Variants in PRUNE2 observed in about 807,000 individuals in gnomAD.
PRUNE2 encodes the protein prune homolog 2 with BCH domain.
A neutral mutation model predicts 252.0 loss-of-function variants in PRUNE2; 164 were observed. The ratio of observed to expected loss-of-function variants is 0.65; its 90% CI spans 0.57 to 0.74. The LOEUF is 0.74. Ranked by LOEUF, PRUNE2 falls within the 30% of genes least tolerant of loss-of-function variation. The probability of loss-of-function intolerance (pLI) is 0.00; values close to 1 mark genes in which losing one functional copy is unlikely to be tolerated. For synonymous variants in PRUNE2, 1,292 were observed against 1,350.2 expected, an observed-to-expected ratio of 0.96 and a Z score of 0.94; for missense variants, 3,495 against 3,711.0, an observed-to-expected ratio of 0.94 and a Z score of 1.51.
chr9:76,723,358 G>T (rs201530224), intron 6 of PRUNE2, among the ~76,000 whole-genome samples: 153 of 152,272 alleles, frequency 1.0e-3, no homozygotes, highest in Non-Finnish European at 1.8e-3. Flanking sequence ...GAAGAAGCCT[G>T]CTTTACCATT....
intron 6 of PRUNE2, among the ~76,000 whole-genome samples, chr9:76,724,738 C>T (rs1483944552): frequency 2.0e-5 from 3 of 152,254 alleles, no homozygotes; most frequent in African/African-American, 7.2e-5. Flanking sequence ...ACCTCATTAA[C>T]TAACAGCCTA....
At chr9:76,812,016 G>A (rs1338390276) in intron 6 of PRUNE2, among the ~76,000 whole-genome samples, 1 of 152,184 alleles carries the variant, frequency 6.6e-6, no homozygotes, top group South Asian at 2.1e-4. Flanking sequence ...AGGAAAGAGG[G>A]GAAGTGATCA....
At chr9:76,773,344 T>C (rs1331724228) in intron 6 of PRUNE2, among the ~76,000 whole-genome samples, 1 of 152,128 alleles carries the variant, frequency 6.6e-6, no homozygotes, top group Non-Finnish European at 1.5e-5. Flanking sequence ...GGAAGAAAGG[T>C]TGATTTATAG....
intron 1 of PRUNE2, among the ~76,000 whole-genome samples, chr9:76,901,167 A>G (rs1220664111): frequency 6.6e-6 from 1 of 152,174 alleles, no homozygotes; most frequent in Non-Finnish European, 1.5e-5. Flanking sequence ...CAGGACTGGG[A>G]CAATCCGCAG....
intron 9 of PRUNE2, among the ~76,000 whole-genome samples, chr9:76,680,278 GA>G (rs1344006585): frequency 6.6e-6 from 1 of 152,028 alleles, no homozygotes; most frequent in African/African-American, 2.4e-5. Context: ...CTAATCATTA[GA>G]AAAATGCAAA....
chr9:76,785,763 A>C (rs1024917619), intron 6 of PRUNE2: 1 of 151,846 alleles, frequency 6.6e-6, no homozygotes, highest in Non-Finnish European at 1.5e-5. Context: ...GTGAGTGTAC[A>C]TGCCAAAGTG....
At chr9:76,879,903 A>ATATAT (rs770473789) in intron 1 of PRUNE2, among the ~76,000 whole-genome samples, 6 of 31,006 alleles carry the variant, frequency 1.9e-4, no homozygotes, top group African/African-American at 7.2e-4. Context: ...ATATATATAT[A>ATATAT]TTTTTTTTTT....
intron 1 of PRUNE2, among the ~76,000 whole-genome samples, chr9:76,866,728 GAGGA>G (rs112261827): frequency 0.15 from 22,252 of 151,512 alleles, 3,198 homozygotes; most frequent in African/African-American, 0.38. Flanking sequence ...GAAGGGAGGA[GAGGA>G]AGGAAGGAAG....
intron 9 of PRUNE2, among the ~76,000 whole-genome samples, chr9:76,678,741 T>C (rs1469826712): frequency 2.0e-5 from 3 of 151,902 alleles, no homozygotes; most frequent in African/African-American, 7.3e-5. Context: ...GGCAGGAGAA[T>C]GGTGTGAACC....
intron 15 of PRUNE2, among the ~76,000 whole-genome samples, chr9:76,631,038 T>C (rs764654672): frequency 1.3e-5 from 2 of 152,228 alleles, no homozygotes; most frequent in Admixed American, 6.5e-5. Flanking sequence ...TCTTTAATAC[T>C]TTACTTGCAA....
intron 9 of PRUNE2, among the ~76,000 whole-genome samples, chr9:76,659,123 T>A (rs1178941827): frequency 6.6e-6 from 1 of 152,236 alleles, no homozygotes; most frequent in East Asian, 1.9e-4. Flanking sequence ...GAGGCCTCGA[T>A]GAAAGCTTGC....
rs770814285 is a variant in PRUNE2 at position 76,707,718 on chromosome 9, T to C, written c.4556A>G (p.Glu1519Gly). The C allele has an allele frequency of 2.5e-5, 41 of 1,613,796 alleles. No individual in the cohort carries two copies. Among genetic ancestry groups the C allele is most frequent in the East Asian group, 1.1e-4 (5 of 44,890 alleles). ...CGAACCGGCTCCTGGAAGGCTATTT[T>C]CAGACCCCTTAACGTCAAGATTTTT... is the stretch of plus-strand genomic sequence containing the variant. The part of the protein sequence containing the change: ...ITKNLDVKGS[E>G]NSLPGAGSSG... Residue 1519 changes from glutamate to glycine, a missense_variant, in exon 8 of 19, where the codon GAA (glutamate) becomes GGA (glycine). Coordinates refer to ENST00000376718, the MANE Select transcript of PRUNE2 (RefSeq NM_015225.3).
rs201086707 is a variant in PRUNE2, at chr9:76,710,793, A to T, written c.1481T>A (p.Phe494Tyr). Residue 494 changes from phenylalanine (F) to tyrosine (Y), a missense_variant, in exon 8 of 19, where the codon TTC (phenylalanine) becomes TAC (tyrosine). Coordinates refer to ENST00000376718, the MANE Select transcript of PRUNE2 (RefSeq NM_015225.3). ...SGEHGEHFDL[F>Y]NFDPAPMASG... Reference sequence around the variant, plus strand: ...AGCCATGGGTGCTGGGTCAAAATTGAAGAGGTCGAAGTGCTCACCGTGTTC... The same window carrying T: ...AGCCATGGGTGCTGGGTCAAAATTGTAGAGGTCGAAGTGCTCACCGTGTTC... 6.3e-7 allele frequency: 1 copy of T among 1,585,330 alleles called. No homozygotes were observed. Among genetic ancestry groups the T allele is most frequent in the East Asian group, 2.2e-5 (1 of 44,720 alleles).
intron 1 of PRUNE2, among the ~76,000 whole-genome samples, chr9:76,857,614 C>T (rs1398116999): frequency 2.0e-5 from 3 of 152,142 alleles, no homozygotes; most frequent in African/African-American, 7.2e-5. Context: ...CAAACTCCTG[C>T]CTGCTTGGAG....
chr9:76,815,471 C>CA (rs1414740245), intron 6 of PRUNE2, among the ~76,000 whole-genome samples: 2 of 152,156 alleles, frequency 1.3e-5, no homozygotes, highest in African/African-American at 4.8e-5. Flanking sequence ...ATTCACATGG[C>CA]AAAAGGGACA....
intron 18 of PRUNE2, among the ~76,000 whole-genome samples, chr9:76,616,723 A>C (rs1035656229): frequency 6.6e-6 from 1 of 152,218 alleles, no homozygotes. Flanking sequence ...CTTGTAAGTA[A>C]ATACAGGAAA....
intron 18 of PRUNE2, among the ~76,000 whole-genome samples, chr9:76,618,205 T>G (rs144592399): frequency 6.6e-6 from 1 of 152,220 alleles, no homozygotes; most frequent in African/African-American, 2.4e-5. Context: ...CTTTGCTCTT[T>G]GTGAACTTTT....
At chr9:76,787,634 T>C (rs1769768662) in intron 6 of PRUNE2, 1 of 113,734 alleles carries the variant, frequency 8.8e-6, no homozygotes, top group Non-Finnish European at 1.7e-5. Context: ...TATAAATTTA[T>C]TTTTTTAAGG....
intron 1 of PRUNE2, among the ~76,000 whole-genome samples, chr9:76,861,786 AT>A (rs141659920): frequency 0.071 from 9,721 of 136,962 alleles, 588 homozygotes; most frequent in African/African-American, 0.19. Flanking sequence ...TATTTACAGC[AT>A]TTTTTTTTTT....
Sources: gnomAD v4.1 joint callset for allele counts (sites outside exome capture counted in the v4.1 genomes callset) on GRCh38, gnomAD v4.1.1 for gene constraint, MANE v1.5 for transcripts, NCBI Gene and HGNC (gene_info 2026-07-23, HGNC 2026-07-21) for gene names.